GRID2: variants seen among roughly 807,000 people sequenced by gnomAD.
GRID2 encodes glutamate ionotropic receptor delta type subunit 2.
A neutral mutation model predicts 114.8 loss-of-function variants in GRID2; 33 were observed. The observed-to-expected ratio is 0.29, with a 90% CI of 0.22 to 0.38. The LOEUF is 0.38. Ranked by LOEUF, GRID2 falls within the 10% of genes least tolerant of loss-of-function variation. The pLI, the probability that GRID2 is intolerant of heterozygous loss-of-function variation, is 1.00. For missense variants in GRID2, 1,184 were observed against 1,257.7 expected (o/e 0.94, Z 0.89); for synonymous variants, 505 against 449.9 (o/e 1.12, Z -1.55).
At chr4:93,799,189 A>G (rs114773766) in intron 1 of GRID2, among the ~76,000 whole-genome samples, 3,470 of 152,324 alleles carry the variant, frequency 0.023, 72 homozygotes, top group South Asian at 0.074. Context: ...AAAGTTTACT[A>G]TAAGTAAGTC....
intron 2 of GRID2, among the ~76,000 whole-genome samples, chr4:92,736,234 G>A (rs1266999073): frequency 6.6e-6 from 1 of 152,010 alleles, no homozygotes; most frequent in Admixed American, 6.6e-5. Context: ...GATTGTTGAT[G>A]TTGGAGGTGG....
rs955457830 is a variant in GRID2, at chr4:93,644,176, C to A, written c.2360+17741C>A. Among the ~76,000 whole-genome samples, 2 of 89,220 alleles carry A rather than the reference C, an allele frequency of 2.2e-5. 1 individual carries two copies. Among genetic ancestry groups the A allele is most frequent in the East Asian group, 4.5e-4 (2 of 4,418 alleles). 58.5% of individuals were successfully genotyped at this position (89,220 alleles called of 152,430 possible). A position where few individuals can be genotyped will look rare whatever the true frequency, so the allele number is the denominator to read the frequency against. ...ATGCCTCGCCCTGCTTCGGCTCGCG[C>A]ACGGTGCGCACACACACTGGCCTGC... On this transcript the variant is annotated intron_variant, in intron 14 of 15. Coordinates refer to ENST00000282020, the MANE Select transcript of GRID2 (RefSeq NM_001510.4).
rs189882402 is a variant in GRID2 at position 93,197,127 on chromosome 4, G to A, written c.736-10277G>A. On this transcript the variant is annotated intron_variant, in intron 4 of 15. Coordinates refer to ENST00000282020, the MANE Select transcript of GRID2 (RefSeq NM_001510.4). ...TCTATCAGTTATACAATGGATGCACGTAAGTTAACACAGTGGAGTATAAAT... is the reference window on the plus strand; with the variant it reads ...TCTATCAGTTATACAATGGATGCACATAAGTTAACACAGTGGAGTATAAAT... Among the ~76,000 whole-genome samples, 84 of 152,242 alleles carry A rather than the reference G, an allele frequency of 5.5e-4. 1 individual carries two copies. The highest frequency in any genetic ancestry group is 2.0e-3 in the African/African-American group (82 of 41,550).
At chr4:92,798,080 AG>A (rs968271354) in intron 2 of GRID2, among the ~76,000 whole-genome samples, 3 of 151,910 alleles carry the variant, frequency 2.0e-5, no homozygotes, top group Non-Finnish European at 2.9e-5. Flanking sequence ...TCTTTAAAAA[AG>A]GGGGGGTTAA....
At chr4:92,592,039 C>T (rs1162330488) in intron 2 of GRID2, among the ~76,000 whole-genome samples, 1 of 151,548 alleles carries the variant, frequency 6.6e-6, no homozygotes, top group African/African-American at 2.4e-5. Context: ...TATTTAAAAG[C>T]AGTATAAATT....
intron 8 of GRID2, among the ~76,000 whole-genome samples, chr4:93,315,153 G>A (rs1756451159): frequency 6.6e-6 from 1 of 152,032 alleles, no homozygotes; most frequent in South Asian, 2.1e-4. Context: ...AAAACCATCA[G>A]ATCTTTTGAG....
chr4:93,400,713 G>C (rs1765798266), intron 9 of GRID2, among the ~76,000 whole-genome samples: 1 of 152,094 alleles, frequency 6.6e-6, no homozygotes, highest in Non-Finnish European at 1.5e-5. Flanking sequence ...GGAGCTCACT[G>C]ATTAGTAATT....
chr4:93,702,454 C>T (rs1235497490), intron 14 of GRID2, among the ~76,000 whole-genome samples: 4 of 152,064 alleles, frequency 2.6e-5, no homozygotes, highest in Non-Finnish European at 5.9e-5. Context: ...AGTATTCCAT[C>T]GTAGGAATGC....
intron 1 of GRID2, among the ~76,000 whole-genome samples, chr4:92,564,457 G>T (rs2149185390): frequency 6.6e-6 from 1 of 152,024 alleles, no homozygotes; most frequent in East Asian, 1.9e-4. Context: ...AGTGCCAATA[G>T]AGCACCTGAT....
At chr4:93,775,144 T>TAA (rs566720059), downstream of GRID2, among the ~76,000 whole-genome samples, 3,310 of 142,918 alleles carry the variant, frequency 0.023, 78 homozygotes, top group African/African-American at 0.067. Flanking sequence ...CATAATTTAC[T>TAA]AAAAAAAAAA....
At chr4:92,445,576 T>C (rs1401333736) in intron 1 of GRID2, among the ~76,000 whole-genome samples, 1 of 152,138 alleles carries the variant, frequency 6.6e-6, no homozygotes, top group African/African-American at 2.4e-5. Flanking sequence ...CAACAATAAA[T>C]ATGGCAGGGA....
At chr4:93,214,703 TGGAAACCTATAAAAGGTAACCACCCC>T (rs1743979615) in intron 5 of GRID2, among the ~76,000 whole-genome samples, 2 of 152,052 alleles carry the variant, frequency 1.3e-5, no homozygotes, top group Non-Finnish European at 2.9e-5. Context: ...ACTTCATCTT[TGGAAACCTATAAAAGGTAACCACCCC>T]TTTTCCCTTT....
intron 2 of GRID2, among the ~76,000 whole-genome samples, chr4:92,963,215 T>G (rs192831664): frequency 6.6e-6 from 1 of 152,114 alleles, no homozygotes; most frequent in Non-Finnish European, 1.5e-5. Flanking sequence ...CTGAGGCAAT[T>G]TCTTAAAGTA....
intron 8 of GRID2, among the ~76,000 whole-genome samples, chr4:93,250,400 T>C (rs891082964): frequency 6.6e-6 from 1 of 151,686 alleles, no homozygotes; most frequent in African/African-American, 2.4e-5. Flanking sequence ...ATGTAGATGA[T>C]AGGTTAATGG....
chr4:92,510,153 A>G (rs1214957332), intron 1 of GRID2, among the ~76,000 whole-genome samples: 4 of 151,938 alleles, frequency 2.6e-5, no homozygotes, highest in Non-Finnish European at 5.9e-5. Context: ...AGTGAATGAT[A>G]GTAACTATGG....
At chr4:92,754,125 C>T (rs1363517632) in intron 2 of GRID2, among the ~76,000 whole-genome samples, 1 of 152,128 alleles carries the variant, frequency 6.6e-6, no homozygotes, top group Non-Finnish European at 1.5e-5. Context: ...TAACACAGAT[C>T]CCTTAATTAC....
intron 1 of GRID2, among the ~76,000 whole-genome samples, chr4:92,451,949 T>C (rs1054864202): frequency 1.3e-5 from 2 of 152,202 alleles, no homozygotes; most frequent in Admixed American, 1.3e-4. Flanking sequence ...GTCTTGTGAT[T>C]TGGCTTTCTC....
chr4:92,943,483 AT>A (rs1290020490), intron 2 of GRID2, among the ~76,000 whole-genome samples: 2 of 151,658 alleles, frequency 1.3e-5, no homozygotes, highest in East Asian at 1.9e-4. Flanking sequence ...CATTCATCTA[AT>A]TTTTTTTCAA....
chr4:93,586,584 A>T (rs1255258698), intron 13 of GRID2, among the ~76,000 whole-genome samples: 1 of 152,152 alleles, frequency 6.6e-6, no homozygotes, highest in Non-Finnish European at 1.5e-5. Context: ...ATCTGATATC[A>T]GTCTGGTAAG....
Sources: gnomAD v4.1 joint callset for allele counts (sites outside exome capture counted in the v4.1 genomes callset) on GRCh38, gnomAD v4.1.1 for gene constraint, MANE v1.5 for transcripts, NCBI Gene and HGNC (gene_info 2026-07-23, HGNC 2026-07-21) for gene names.